The following GRK6 variants were observed in gnomAD, a reference collection of about 807,000 sequenced individuals.
The protein encoded by GRK6 is G protein-coupled receptor kinase 6.
GRK6 carries 37 observed loss-of-function variants against 80.8 expected under a neutral mutation model. The ratio of observed to expected loss-of-function variants is 0.46; its 90% CI spans 0.35 to 0.60. The LOEUF (loss-of-function observed/expected upper bound fraction) is 0.60, where lower values mean the gene tolerates loss of function less well. Among genes scored for constraint, GRK6 ranks in the 20% least tolerant of loss-of-function variants. The probability of loss-of-function intolerance (pLI) is 0.00; values close to 1 mark genes in which losing one functional copy is unlikely to be tolerated. For missense variants in GRK6, 560 were observed against 784.6 expected (o/e 0.71, Z 3.42); for synonymous variants, 295 against 320.9 (o/e 0.92, Z 0.86).
At chr5:177,426,952 C>A in intron 1 of GRK6, 55 bp downstream of exon 1, 2 of 1,187,654 alleles carry the variant, frequency 1.7e-6, no homozygotes, top group Non-Finnish European at 2.2e-6. Context: ...GAGTGCGCTG[C>A]GTCTGAGCTC....
At position 177,434,237 on chromosome 5, in the gene GRK6, C is replaced by T. The variant is rs554710144; in HGVS notation, c.929+133C>T. On this transcript the variant is annotated intron_variant, in intron 9 of 15. Coordinates refer to ENST00000355472, the MANE Select transcript of GRK6 (RefSeq NM_001004106.3). ...GACATTGGTTTGGGGGCTGTGGCAC[C>T]GGCTTAACTCACACGCCAGGCCAAC... 4.1e-5 allele frequency: 39 copies of T among 946,420 alleles called. No homozygotes were observed. The East Asian group carries it at 5.4e-4, about 13-fold the overall frequency. The allele number at this position is 946,420 out of a possible 1,614,324, so 58.6% of individuals were successfully genotyped here. A position where few individuals can be genotyped will look rare whatever the true frequency, so the allele number is the denominator to read the frequency against.
intron 13 of GRK6, among the ~76,000 whole-genome samples, chr5:177,440,347 G>T (rs772292343): frequency 6.6e-6 from 1 of 152,204 alleles, no homozygotes; most frequent in Admixed American, 6.5e-5. Flanking sequence ...CAGGCTCTGC[G>T]TGGTGGTGCC....
At position 177,440,806 on chromosome 5, in the gene GRK6, C is replaced by T. The variant is rs149674824; in HGVS notation, c.1511C>T (p.Thr504Ile). 2 of 1,614,160 alleles carry T rather than the reference C, an allele frequency of 1.2e-6. No homozygotes were observed. Among genetic ancestry groups the T allele is most frequent in the Non-Finnish European group, 1.7e-6 (2 of 1,180,034 alleles). Residue 504 changes from threonine (T) to isoleucine (I), a missense_variant, in exon 14 of 16, where the codon ACA becomes ATA. Thr to Ile is a moderately conservative substitution (Grantham distance 89). Coordinates refer to ENST00000355472, the MANE Select transcript of GRK6 (RefSeq NM_001004106.3). ...CAGGACTTCTACCAGAAGTTTGCCA[C>T]AGGCAGTGTGCCCATCCCCTGGCAG... is the stretch of plus-strand genomic sequence containing the variant. Reference protein sequence around the residue: ...TDQDFYQKFATGSVPIPWQNE... With the variant: ...TDQDFYQKFAIGSVPIPWQNE...
upstream of GRK6, among the ~76,000 whole-genome samples, chr5:177,425,696 G>A (rs759061460): frequency 2.0e-4 from 31 of 152,238 alleles, no homozygotes; most frequent in Non-Finnish European, 2.8e-4. Flanking sequence ...TCGGATGAAT[G>A]AATGCATAGG....
At chr5:177,431,130 T>C (rs1763872585) in intron 2 of GRK6, among the ~76,000 whole-genome samples, 163 bp downstream of exon 2, 1 of 152,174 alleles carries the variant, frequency 6.6e-6, no homozygotes, top group African/African-American at 2.4e-5. Flanking sequence ...GTTCCTGGGC[T>C]TGGGACGGGT....
chr5:177,440,594 G>A lies in GRK6; in HGVS notation c.1405-106G>A, dbSNP rs779965007. 1.5e-4 allele frequency: 196 copies of A among 1,330,540 alleles called. 1 individual carries two copies. The highest frequency in any genetic ancestry group is 5.0e-5 in the Non-Finnish European group (48 of 953,088). 82.4% of individuals were successfully genotyped at this position (1,330,540 alleles called of 1,614,324 possible). A position where few individuals can be genotyped will look rare whatever the true frequency, so the allele number is the denominator to read the frequency against. ...GGTTTCTCCAAATCAGAGAGCTGCT[G>A]GTGTCAGGCAGCACTAGGCCAAGAC... On this transcript the variant is annotated intron_variant, in intron 13 of 15. Transcript: ENST00000355472.
chr5:177,434,809 T>C (rs1281929900), intron 9 of GRK6, 93 bp from the exon 10 acceptor site: 2 of 1,418,976 alleles, frequency 1.4e-6, no homozygotes, highest in South Asian at 1.2e-5. Context: ...GCTCCACACC[T>C]GGCCCCCGGA....
In GRK6 at chr5:177,430,924, G is replaced by A. The variant is rs1001818905; in HGVS notation, c.105G>A (p.Gln35=). 6.2e-7 allele frequency: 1 copy of A among 1,614,038 alleles called. No individual in the cohort carries two copies. Among genetic ancestry groups the A allele is most frequent in the Admixed American group, 1.7e-5 (1 of 60,022 alleles). The change falls in exon 2 of 16, where the codon CAG becomes CAA. Residue 35 remains glutamine (Q), a synonymous_variant. Transcript: ENST00000355472. ...GCAAGAAATGGCGGCAGATGCTCCA[G>A]TTCCCTCACATCAGCCAGTGCGAAG... ...GKSKKWRQML[Q]FPHISQCEEL... is the part of the protein sequence containing the mutation.
At chr5:177,441,336 G>A in intron 15 of GRK6, 1 of 1,527,120 alleles carries the variant, frequency 6.5e-7, no homozygotes, top group Non-Finnish European at 8.8e-7. Flanking sequence ...CAAGATGTGG[G>A]AGAAAGAAGT....
intron 13 of GRK6, among the ~76,000 whole-genome samples, chr5:177,437,722 C>T (rs1050864062): frequency 6.6e-6 from 1 of 152,206 alleles, no homozygotes; most frequent in Non-Finnish European, 1.5e-5. Context: ...TGACTCTTTC[C>T]CTCCCCCTGA....
intron 13 of GRK6, 57 bp downstream of exon 13, chr5:177,436,587 G>T: frequency 6.8e-7 from 1 of 1,480,798 alleles, no homozygotes; most frequent in Non-Finnish European, 9.1e-7. Context: ...GGGCTCAGGG[G>T]CTCTTGTAGT....
rs745708372 is a variant in GRK6 at position 177,433,586 on chromosome 5, G to A, written c.648G>A (p.Lys216=). ...RATGKMYACK[K]LEKKRIKKRK... ...CAGGTAAGATGTATGCCTGCAAGAA[G>A]CTAGAGAAAAAGCGGATCAAGAAGC... Residue 216 remains lysine, a synonymous_variant, in exon 8 of 16, where the codon AAG becomes AAA. Coordinates refer to ENST00000355472, the MANE Select transcript of GRK6 (RefSeq NM_001004106.3). 1 of 1,614,190 alleles carries A rather than the reference G, an allele frequency of 6.2e-7. No individual in the cohort carries two copies. Among genetic ancestry groups the A allele is most frequent in the South Asian group, 1.1e-5 (1 of 91,090 alleles).
chr5:177,438,152 G>A (rs1461772091), intron 13 of GRK6, among the ~76,000 whole-genome samples: 5 of 152,202 alleles, frequency 3.3e-5, no homozygotes, highest in Non-Finnish European at 7.3e-5. Flanking sequence ...CGGATCACCT[G>A]AGGTTGGGAG....
intron 12 of GRK6, 40 bp downstream of exon 12, chr5:177,436,321 G>A: frequency 6.2e-7 from 1 of 1,612,380 alleles, no homozygotes; most frequent in East Asian, 2.2e-5. Flanking sequence ...CAGGGCTGGG[G>A]TGGATGCACC....
chr5:177,433,046 T>G (rs1763982504), intron 5 of GRK6, 101 bp from the exon 6 acceptor site: 1 of 1,052,782 alleles, frequency 9.5e-7, no homozygotes, highest in African/African-American at 1.6e-5. Flanking sequence ...CGACGATACC[T>G]GTGGGCTAAG....
At chr5:177,441,216 TG>T in intron 15 of GRK6, 163 bp downstream of exon 15, 1 of 1,509,058 alleles carries the variant, frequency 6.6e-7, no homozygotes. Flanking sequence ...CACCCCTGGC[TG>T]GGCTCATGGC....
intron 13 of GRK6, among the ~76,000 whole-genome samples, chr5:177,439,652 A>G (rs1313425611): frequency 6.6e-6 from 1 of 151,094 alleles, no homozygotes; most frequent in Admixed American, 6.6e-5. Context: ...AAAAAAAAAA[A>G]CCCATACCCT....
Position 177,426,842 on chromosome 5 carries a change from GC to G in GRK6, c.-1del. 1 of 1,305,330 alleles carries G rather than the reference GC, an allele frequency of 7.7e-7. No homozygotes were observed. The highest frequency in any genetic ancestry group is 9.8e-7 in the Non-Finnish European group (1 of 1,020,540). 80.9% of individuals were successfully genotyped at this position (1,305,330 alleles called of 1,614,324 possible). On this transcript the variant is annotated 5_prime_UTR_variant, in exon 1 of 16. Transcript: ENST00000355472. ...GCCCGGCGGGCCAGGCGGCGCCACA[GC>G]CCATGGAGCTCGAGAACATCGTAGC...
rs974858243 is a variant in GRK6 at position 177,442,591 on chromosome 5, C to G, written c.*801C>G. 6.5e-6 allele frequency: 1 copy of G among 152,808 alleles called. No individual in the cohort carries two copies. The highest frequency in any genetic ancestry group is 1.5e-5 in the Non-Finnish European group (1 of 68,178). The allele number at this position is 152,808 out of a possible 1,614,324, so 9.5% of individuals were successfully genotyped here. Reference sequence around the variant, plus strand: ...GTCAACCCTCAAACATTCCGGACTCCCCTCATAACAATAGACACATGTGCC... The same window carrying G: ...GTCAACCCTCAAACATTCCGGACTCGCCTCATAACAATAGACACATGTGCC... On this transcript the variant is annotated 3_prime_UTR_variant, in exon 16 of 16. Coordinates refer to ENST00000355472, the MANE Select transcript of GRK6 (RefSeq NM_001004106.3).
Sources: allele counts gnomAD v4.1 joint callset (sites outside exome capture counted in the v4.1 genomes callset), GRCh38; gene constraint gnomAD v4.1.1; transcripts MANE v1.5; gene names NCBI Gene and HGNC (gene_info 2026-07-23, HGNC 2026-07-21).